MBNL1: variants seen among roughly 807,000 people sequenced by gnomAD.
MBNL1 encodes the protein muscleblind like splicing regulator 1.
MBNL1 carries 8 observed loss-of-function variants against 42.2 expected under a neutral mutation model. That is an observed-to-expected ratio of 0.19 (90% CI 0.11 to 0.34). MBNL1 has a LOEUF of 0.34. Among genes scored for constraint, MBNL1 ranks in the 10% least tolerant of loss-of-function variants. The pLI is 1.00. For synonymous variants in MBNL1, 169 were observed against 173.9 expected (o/e 0.97, Z 0.22); for missense variants, 309 against 495.3 (o/e 0.62, Z 3.57).
At chr3:152,357,307 T>G (rs1265810634) in intron 2 of MBNL1, among the ~76,000 whole-genome samples, 1 of 152,236 alleles carries the variant, frequency 6.6e-6, no homozygotes, top group Non-Finnish European at 1.5e-5. Context: ...CTTAGTTATA[T>G]GATCTTTGAA....
In MBNL1 at chr3:152,286,349, T is replaced by C. The variant is rs1197716174; in HGVS notation, c.-789-13056T>C. Among the ~76,000 whole-genome samples the C allele has an allele frequency of 7.0e-5, 10 of 143,082 alleles. 1 individual carries two copies. The South Asian group carries it at 1.3e-3, about 18-fold the overall frequency. 93.9% of individuals were successfully genotyped at this position (143,082 alleles called of 152,430 possible). A position where few individuals can be genotyped will look rare whatever the true frequency, so the allele number is the denominator to read the frequency against. ...ATTTAATTATATTTTATTTATAATA[T>C]AAATATTTATATTTTATTTATAATA... On this transcript the variant is annotated intron_variant, in intron 1 of 9. Transcript: ENST00000324210.
chr3:152,255,905 G>A (rs2035383145), intron 2 of MBNL1, among the ~76,000 whole-genome samples: 2 of 152,216 alleles, frequency 1.3e-5, no homozygotes, highest in South Asian at 2.1e-4. Flanking sequence ...GGGCCAGAAT[G>A]AGCTTGGCAT....
chr3:152,272,731 G>T (rs1396938851), intron 1 of MBNL1, among the ~76,000 whole-genome samples: 1 of 152,158 alleles, frequency 6.6e-6, no homozygotes, highest in African/African-American at 2.4e-5. Flanking sequence ...TATGGGCTCT[G>T]AAGAATTTCT....
chr3:152,383,542 A>G (rs2097274291), intron 2 of MBNL1, among the ~76,000 whole-genome samples: 2 of 152,050 alleles, frequency 1.3e-5, no homozygotes, highest in African/African-American at 4.8e-5. Flanking sequence ...ATTAGACTAG[A>G]TGAGCTGGTG....
At chr3:152,280,250 A>G (rs2047631577) in intron 1 of MBNL1, among the ~76,000 whole-genome samples, 1 of 152,164 alleles carries the variant, frequency 6.6e-6, no homozygotes, top group Non-Finnish European at 1.5e-5. Context: ...GTGGGCACAA[A>G]GAAGCCAAGA....
chr3:152,368,159 CT>C (rs1221718842), intron 2 of MBNL1, among the ~76,000 whole-genome samples: 2 of 152,030 alleles, frequency 1.3e-5, no homozygotes, highest in Non-Finnish European at 2.9e-5. Flanking sequence ...ATGTTTAAGT[CT>C]TTAATCCATC....
At chr3:152,451,520 T>G (rs1232666761) in intron 6 of MBNL1, among the ~76,000 whole-genome samples, 2 of 152,176 alleles carry the variant, frequency 1.3e-5, no homozygotes, top group Non-Finnish European at 2.9e-5. Flanking sequence ...TTCCATTTAT[T>G]CAGTCAATAA....
At chr3:152,422,744 A>C (rs938092198) in intron 3 of MBNL1, among the ~76,000 whole-genome samples, 1 of 152,156 alleles carries the variant, frequency 6.6e-6, no homozygotes, top group Non-Finnish European at 1.5e-5. Flanking sequence ...TATCATAAAC[A>C]GTCTCTCAGA....
chr3:152,450,235 T>C (rs1159430742), intron 6 of MBNL1, among the ~76,000 whole-genome samples: 2 of 151,974 alleles, frequency 1.3e-5, no homozygotes. Context: ...TATTTGCAAC[T>C]CAGTTATAAG....
chr3:152,407,756 A>G (rs927452354), intron 2 of MBNL1, among the ~76,000 whole-genome samples: 2 of 152,208 alleles, frequency 1.3e-5, no homozygotes, highest in African/African-American at 4.8e-5. Flanking sequence ...TAGACTGGAT[A>G]GAGAAAATGT....
rs562293186 is a variant in MBNL1, at chr3:152,435,558, T to G, written c.549+2638T>G. Among the ~76,000 whole-genome samples the G allele has an allele frequency of 1.0e-3, 154 of 152,358 alleles. 3 individuals are homozygous for G. The highest frequency in any genetic ancestry group is 9.7e-3 in the South Asian group (47 of 4,830). ...ATTCCATATGAATTTTTAAATAGTT[T>G]TTTTTCTAATTCTGTGAAGAATGTC... On this transcript the variant is annotated intron_variant, in intron 4 of 9. Coordinates refer to ENST00000324210, the MANE Select transcript of MBNL1 (RefSeq NM_021038.5).
At chr3:152,366,527 A>G (rs1367340401) in intron 2 of MBNL1, among the ~76,000 whole-genome samples, 33 of 152,192 alleles carry the variant, frequency 2.2e-4, no homozygotes, top group Admixed American at 2.2e-3. Context: ...ATTTAACCGA[A>G]TTAAGCTATA....
chr3:152,439,989 A>G (rs923242326), intron 4 of MBNL1, among the ~76,000 whole-genome samples: 7 of 152,202 alleles, frequency 4.6e-5, no homozygotes, highest in African/African-American at 1.7e-4. Context: ...TGAATAAATG[A>G]CAACGTGGAA....
chr3:152,461,470 T>A (rs753960664), intron 9 of MBNL1, among the ~76,000 whole-genome samples: 5 of 152,172 alleles, frequency 3.3e-5, no homozygotes, highest in Non-Finnish European at 7.3e-5. Context: ...TTAGGTGTGT[T>A]TGGTATGTAT....
intron 2 of MBNL1, chr3:152,338,616 G>C: frequency 1.0e-6 from 1 of 985,340 alleles, no homozygotes; most frequent in Non-Finnish European, 1.2e-6. Flanking sequence ...ATGGCTGTTT[G>C]ACATAGACCT....
intron 2 of MBNL1, among the ~76,000 whole-genome samples, chr3:152,310,710 A>G (rs1281291827): frequency 6.6e-6 from 1 of 152,166 alleles, no homozygotes; most frequent in African/African-American, 2.4e-5. Flanking sequence ...TTATATTAAA[A>G]TTTTAACTAA....
intron 3 of MBNL1, among the ~76,000 whole-genome samples, chr3:152,432,453 A>C (rs1297034232): frequency 6.6e-6 from 1 of 152,226 alleles, no homozygotes; most frequent in Non-Finnish European, 1.5e-5. Context: ...AAATACAAGT[A>C]TTATAGACCC....
intron 2 of MBNL1, among the ~76,000 whole-genome samples, chr3:152,358,089 A>G (rs1295770788): frequency 6.6e-6 from 1 of 152,198 alleles, no homozygotes; most frequent in Non-Finnish European, 1.5e-5. Context: ...TTTAAGAAAA[A>G]GGGGGTTTGT....
At chr3:152,407,411 T>G (rs1362870819) in intron 2 of MBNL1, among the ~76,000 whole-genome samples, 1 of 152,058 alleles carries the variant, frequency 6.6e-6, no homozygotes, top group African/African-American at 2.4e-5. Flanking sequence ...AGAGATTGCT[T>G]GCCTAGCAAA....
Sources: allele counts gnomAD v4.1 joint callset (sites outside exome capture counted in the v4.1 genomes callset), GRCh38; gene constraint gnomAD v4.1.1; transcripts MANE v1.5; gene names NCBI Gene and HGNC (gene_info 2026-07-23, HGNC 2026-07-21).